TEAD1: variants seen among roughly 807,000 people sequenced by gnomAD.
TEAD1 encodes TEA domain transcription factor 1, also known as transcriptional enhancer factor TEF-1.
In TEAD1, 9 loss-of-function variants were observed where a neutral mutation model predicts 54.9. The ratio of observed to expected loss-of-function variants is 0.16; its 90% confidence interval spans 0.10 to 0.29. The LOEUF is 0.29. Among genes scored for constraint, TEAD1 ranks in the 10% least tolerant of loss-of-function variants. The probability of loss-of-function intolerance (pLI) is 1.00; values close to 1 mark genes in which losing one functional copy is unlikely to be tolerated. For synonymous variants in TEAD1, 200 were observed against 187.8 expected, an observed-to-expected ratio of 1.07 and a Z score of -0.53; for missense variants, 387 against 535.9, an observed-to-expected ratio of 0.72 and a Z score of 2.74.
At chr11:12,697,145 C>T (rs1275375050) in intron 2 of TEAD1, among the ~76,000 whole-genome samples, 1 of 152,112 alleles carries the variant, frequency 6.6e-6, no homozygotes, top group Non-Finnish European at 1.5e-5. Context: ...GAGTGTCCTG[C>T]CTGGTGGTAC....
At chr11:12,912,873 G>T (rs1948641833) in intron 10 of TEAD1, among the ~76,000 whole-genome samples, 1 of 152,066 alleles carries the variant, frequency 6.6e-6, no homozygotes, top group Admixed American at 6.5e-5. Context: ...TCTGTCCTGG[G>T]TCCTTTGTCT....
chr11:12,785,461 A>C (rs1945658848), intron 3 of TEAD1, among the ~76,000 whole-genome samples: 1 of 152,186 alleles, frequency 6.6e-6, no homozygotes, highest in South Asian at 2.1e-4. Context: ...TGACCATATC[A>C]TTTAATGTTC....
At chr11:12,899,688 T>G (rs990143540) in intron 9 of TEAD1, among the ~76,000 whole-genome samples, 2 of 152,244 alleles carry the variant, frequency 1.3e-5, no homozygotes, top group African/African-American at 2.4e-5. Context: ...TCTCCCAGCT[T>G]CTGTCTTACC....
chr11:12,790,546 G>C (rs1035144686), intron 3 of TEAD1, among the ~76,000 whole-genome samples: 1 of 152,126 alleles, frequency 6.6e-6, no homozygotes, highest in Non-Finnish European at 1.5e-5. Flanking sequence ...TTGACAAATG[G>C]GAATAAAGTG....
intron 2 of TEAD1, among the ~76,000 whole-genome samples, chr11:12,702,999 G>T (rs1943735474): frequency 1.3e-5 from 2 of 152,164 alleles, no homozygotes; most frequent in Non-Finnish European, 2.9e-5. Context: ...AGGAGCCACA[G>T]CTGGGATTCA....
At chr11:12,680,065 A>T (rs2133809289) in intron 2 of TEAD1, among the ~76,000 whole-genome samples, 1 of 152,260 alleles carries the variant, frequency 6.6e-6, no homozygotes, top group East Asian at 1.9e-4. Flanking sequence ...CGCAATTGTT[A>T]TGAATGTATT....
intron 3 of TEAD1, among the ~76,000 whole-genome samples, chr11:12,797,560 C>CTT (rs551712947): frequency 6.9e-6 from 1 of 145,638 alleles, no homozygotes; most frequent in Non-Finnish European, 1.5e-5. Flanking sequence ...CTGTCCCTCT[C>CTT]TTTTTTTTTT....
chr11:12,795,384 A>C (rs1337430776), intron 3 of TEAD1, among the ~76,000 whole-genome samples: 3 of 152,236 alleles, frequency 2.0e-5, no homozygotes, highest in South Asian at 2.1e-4. Flanking sequence ...TTTGAGGTGT[A>C]CTGAGGGTTA....
At chr11:12,760,357 G>A (rs1415553540) in intron 2 of TEAD1, among the ~76,000 whole-genome samples, 1 of 152,158 alleles carries the variant, frequency 6.6e-6, no homozygotes, top group East Asian at 1.9e-4. Flanking sequence ...GAAAACCTGA[G>A]CTTCTGAGAG....
chr11:12,774,585 T>C (rs1406359873), intron 3 of TEAD1, among the ~76,000 whole-genome samples: 1 of 152,166 alleles, frequency 6.6e-6, no homozygotes, highest in Admixed American at 6.5e-5. Context: ...TATACCTGTT[T>C]GTGATGTATA....
intron 10 of TEAD1, among the ~76,000 whole-genome samples, chr11:12,917,501 C>T (rs1238466864): frequency 6.6e-6 from 1 of 152,160 alleles, no homozygotes; most frequent in Non-Finnish European, 1.5e-5. Flanking sequence ...AAAGCATTAA[C>T]AGTTAAGGCT....
At chr11:12,707,904 C>T (rs527589508) in intron 2 of TEAD1, among the ~76,000 whole-genome samples, 41 of 152,316 alleles carry the variant, frequency 2.7e-4, no homozygotes, top group Admixed American at 2.5e-3. Flanking sequence ...GATTAGTATT[C>T]GGACTAAAGT....
chr11:12,781,962 AAAAAAAAAAGAAAGAAAAAAAGAAAAAG>A (rs1308703381), intron 3 of TEAD1, among the ~76,000 whole-genome samples: 2 of 143,292 alleles, frequency 1.4e-5, no homozygotes, highest in African/African-American at 5.9e-5. Flanking sequence ...AAAAAAAAAA[AAAAAAAAAAGAAAGAAAAAAAGAAAAAG>A]AAAAAAAAAA....
At chr11:12,819,241 A>C (rs548265781) in intron 3 of TEAD1, among the ~76,000 whole-genome samples, 180 of 151,528 alleles carry the variant, frequency 1.2e-3, no homozygotes, top group African/African-American at 4.0e-3. Context: ...AGTGACTCCA[A>C]GGTGGCACCA....
chr11:12,804,253 C>T (rs528722100), intron 3 of TEAD1, among the ~76,000 whole-genome samples: 1 of 152,294 alleles, frequency 6.6e-6, no homozygotes, highest in East Asian at 1.9e-4. Flanking sequence ...ATGCATTCAG[C>T]AGACCATTCT....
chr11:12,842,419 G>A (rs774671456), intron 3 of TEAD1, among the ~76,000 whole-genome samples: 1 of 152,188 alleles, frequency 6.6e-6, no homozygotes, highest in South Asian at 2.1e-4. Context: ...CTAAGCTTGC[G>A]GGAGTTAGGA....
At position 12,935,153 on chromosome 11, in the gene TEAD1, T is replaced by G. The variant is rs895999294; in HGVS notation, c.1168-1956T>G. On this transcript the variant is annotated intron_variant, in intron 12 of 12. Transcript: ENST00000527636. ...AATGAAAACTGTAGCTCTTGCTACC[T>G]GGCAGAGGGACGCAGGGCATTCGTA... is the stretch of plus-strand genomic sequence containing the variant. Among the ~76,000 whole-genome samples, 11 of 152,316 alleles carry G rather than the reference T, an allele frequency of 7.2e-5. No homozygotes were observed. In the South Asian group the frequency reaches 1.2e-3, roughly 17 times the overall value.
intron 2 of TEAD1, among the ~76,000 whole-genome samples, chr11:12,744,489 G>A (rs893676699): frequency 9.9e-5 from 15 of 152,202 alleles, no homozygotes; most frequent in African/African-American, 3.6e-4. Flanking sequence ...ACTGTGAAAT[G>A]TTAGGTGGGC....
At chr11:12,777,193 C>T (rs1249064703) in intron 3 of TEAD1, among the ~76,000 whole-genome samples, 1 of 152,094 alleles carries the variant, frequency 6.6e-6, no homozygotes, top group African/African-American at 2.4e-5. Flanking sequence ...ACCTGCTGCC[C>T]AGGATGTTTA....
Sources: allele counts gnomAD v4.1 joint callset (sites outside exome capture counted in the v4.1 genomes callset), GRCh38; gene constraint gnomAD v4.1.1; transcripts MANE v1.5; gene names NCBI Gene and HGNC (gene_info 2026-07-23, HGNC 2026-07-21).